The following WDR49 variants were observed in gnomAD, a reference collection of about 807,000 sequenced individuals.
The protein encoded by WDR49 is cilia- and flagella-associated protein 337.
WDR49 carries 107 observed loss-of-function variants against 119.5 expected under a neutral mutation model. That is an observed-to-expected ratio of 0.90 (90% CI 0.77 to 1.05). The LOEUF (loss-of-function observed/expected upper bound fraction) is 1.05, where lower values mean the gene tolerates loss of function less well. Among genes scored for constraint, WDR49 ranks in the 50% least tolerant of loss-of-function variants. WDR49 has a pLI of 0.00. For synonymous variants in WDR49, 425 were observed against 418.8 expected, an observed-to-expected ratio of 1.01 and a Z score of -0.18; for missense variants, 1,240 against 1,220.5, an observed-to-expected ratio of 1.02 and a Z score of -0.24.
intron 12 of WDR49, 99 bp downstream of exon 12, chr3:167,532,780 C>A: frequency 1.4e-6 from 1 of 739,274 alleles, no homozygotes; most frequent in South Asian, 2.0e-5. Context: ...AGCCAATCAT[C>A]TATAATTTAG....
chr3:167,495,118 C>A (rs1255223435), intron 18 of WDR49, among the ~76,000 whole-genome samples: 1 of 151,916 alleles, frequency 6.6e-6, no homozygotes, highest in Non-Finnish European at 1.5e-5. Flanking sequence ...ATAGGACTTG[C>A]AGAGAAGCAG....
At chr3:167,593,525 A>G (rs2108297960) in intron 7 of WDR49, among the ~76,000 whole-genome samples, 1 of 151,982 alleles carries the variant, frequency 6.6e-6, no homozygotes, top group African/African-American at 2.4e-5. Flanking sequence ...TATCTTGAAT[A>G]TCTTTGAGTT....
chr3:167,517,444 G>A (rs527834382), intron 16 of WDR49, among the ~76,000 whole-genome samples: 8 of 152,242 alleles, frequency 5.3e-5, no homozygotes, highest in African/African-American at 1.9e-4. Flanking sequence ...TTAATAAATG[G>A]TGCTAGGAGA....
chr3:167,598,109 A>AT (rs1230840017), intron 7 of WDR49, among the ~76,000 whole-genome samples: 4 of 152,048 alleles, frequency 2.6e-5, no homozygotes, highest in African/African-American at 9.7e-5. Context: ...GATCGAGACC[A>AT]TCTTGGCTAA....
At chr3:167,649,203 AT>A (rs753159325) in intron 2 of WDR49, among the ~76,000 whole-genome samples, 1 of 152,114 alleles carries the variant, frequency 6.6e-6, no homozygotes, top group Non-Finnish European at 1.5e-5. Flanking sequence ...AGACCTGTTC[AT>A]TTGGGTACCT....
intron 9 of WDR49, among the ~76,000 whole-genome samples, chr3:167,555,167 A>G (rs1237181615): frequency 6.6e-6 from 1 of 152,164 alleles, no homozygotes; most frequent in Admixed American, 6.6e-5. Flanking sequence ...GGGAGCAGAG[A>G]GAAGTTTAAA....
At position 167,596,870 on chromosome 3, in the gene WDR49, TAATAAATAAATAAATA is replaced by T. The variant is rs200934043; in HGVS notation, c.1275+5241_1275+5256del. On this transcript the variant is annotated intron_variant, in intron 7 of 18. Transcript: ENST00000682715. ...ATGTACCCTAAAACTTAAAGTATAA[TAATAAATAAATAAATA>T]AATAAATAAATAAATAAAGATGTTT... Among the ~76,000 whole-genome samples, 3 of 141,348 alleles carry T rather than the reference TAATAAATAAATAAATA, an allele frequency of 2.1e-5. No individual in the cohort carries two copies. The South Asian group carries it at 6.6e-4, about 31-fold the overall frequency. 92.7% of individuals were successfully genotyped at this position (141,348 alleles called of 152,430 possible). A position where few individuals can be genotyped will look rare whatever the true frequency, so the allele number is the denominator to read the frequency against.
intron 7 of WDR49, among the ~76,000 whole-genome samples, chr3:167,594,814 G>A (rs1251559037): frequency 6.7e-6 from 1 of 149,874 alleles, no homozygotes; most frequent in African/African-American, 2.5e-5. Flanking sequence ...GCACAAGACA[G>A]GGATGCCCTC....
chr3:167,586,576 C>T (rs1343761711), intron 7 of WDR49, among the ~76,000 whole-genome samples: 1 of 152,122 alleles, frequency 6.6e-6, no homozygotes, highest in African/African-American at 2.4e-5. Context: ...CTCTTGAAAA[C>T]ATAATGTGTT....
intron 18 of WDR49, among the ~76,000 whole-genome samples, chr3:167,484,337 C>T (rs1056405994): frequency 2.6e-5 from 4 of 151,888 alleles, no homozygotes; most frequent in Admixed American, 6.6e-5. Context: ...AAGAGATATA[C>T]CTAATGTAAA....
At chr3:167,545,509 T>TATATATATATTATATATA (rs535132359) in intron 10 of WDR49, among the ~76,000 whole-genome samples, 1 of 108,298 alleles carries the variant, frequency 9.2e-6, no homozygotes, top group African/African-American at 3.3e-5. Context: ...ATATTATATA[T>TATATATATATTATATATA]TATATATATA....
At position 167,550,761 on chromosome 3, in the gene WDR49, A is replaced by G. The variant is rs1347172914; in HGVS notation, c.1823+3889T>C. 2.8e-5 allele frequency among the ~76,000 whole-genome samples: 4 copies of G among 142,410 alleles called. No individual in the cohort carries two copies. The East Asian group carries it at 6.4e-4, about 23-fold the overall frequency. The allele number at this position is 142,410 out of a possible 152,430, so 93.4% of individuals were successfully genotyped here. On this transcript the variant is annotated intron_variant, in intron 10 of 18. Transcript: ENST00000682715. ...GAAAATTAAAATCAGGGGAACTAGG[A>G]GGTTTTTTTTTTTTTTTGAGAGAGA...
chr3:167,553,364 T>A (rs1712693686), intron 10 of WDR49, among the ~76,000 whole-genome samples: 1 of 152,104 alleles, frequency 6.6e-6, no homozygotes, highest in Non-Finnish European at 1.5e-5. Context: ...CCCACCAACA[T>A]AGATAGAATA....
rs541575245 is a variant in WDR49 at position 167,637,714 on chromosome 3, C to A, written c.166-10422G>T. Among the ~76,000 whole-genome samples, 6 of 151,652 alleles carry A rather than the reference C, an allele frequency of 4.0e-5. No individual in the cohort carries two copies. In the East Asian group the frequency reaches 1.2e-3, roughly 29 times the overall value. On this transcript the variant is annotated intron_variant, in intron 2 of 18. Coordinates refer to ENST00000682715, the MANE Select transcript of WDR49 (RefSeq NM_001366157.1). ...CCTGTAGAAGTCTTTCACCTCACCT[C>A]CTTGGTTAGGTATGTTCCTAAGTAT...
intron 8 of WDR49, among the ~76,000 whole-genome samples, chr3:167,562,415 G>C (rs968771680): frequency 6.6e-6 from 1 of 152,166 alleles, no homozygotes; most frequent in African/African-American, 2.4e-5. Flanking sequence ...AACTGATAAT[G>C]AGCATGTGAT....
At chr3:167,654,513 C>G (rs1249680018), upstream of WDR49, among the ~76,000 whole-genome samples, 2 of 152,098 alleles carry the variant, frequency 1.3e-5, no homozygotes, top group Non-Finnish European at 2.9e-5. Flanking sequence ...AACCATGTGC[C>G]AGGCACTAAA....
chr3:167,615,806 T>C (rs1409889024), intron 5 of WDR49, among the ~76,000 whole-genome samples: 1 of 152,244 alleles, frequency 6.6e-6, no homozygotes, highest in Non-Finnish European at 1.5e-5. Flanking sequence ...CCAGTTCTTT[T>C]CTGCCCTTAA....
At chr3:167,643,269 T>C (rs1717965988) in intron 2 of WDR49, among the ~76,000 whole-genome samples, 1 of 152,052 alleles carries the variant, frequency 6.6e-6, no homozygotes, top group South Asian at 2.1e-4. Context: ...ATTGACATAA[T>C]GGGACTCTCG....
At chr3:167,636,599 C>T (rs922170446) in intron 2 of WDR49, among the ~76,000 whole-genome samples, 1 of 151,758 alleles carries the variant, frequency 6.6e-6, no homozygotes, top group African/African-American at 2.4e-5. Context: ...TACTAGTTTG[C>T]ATTCCCACCA....
Sources: allele counts gnomAD v4.1 joint callset (sites outside exome capture counted in the v4.1 genomes callset), GRCh38; gene constraint gnomAD v4.1.1; transcripts MANE v1.5; gene names NCBI Gene and HGNC (gene_info 2026-07-23, HGNC 2026-07-21).